Variants in TGFB2 observed in about 807,000 individuals in gnomAD.
TGFB2 encodes the protein transforming growth factor beta 2.
In TGFB2, 13 loss-of-function variants were observed where a neutral mutation model predicts 42.7. The ratio of observed to expected loss-of-function variants is 0.30; its 90% CI spans 0.20 to 0.48. TGFB2 has a LOEUF of 0.48. Ranked by LOEUF, TGFB2 falls within the 20% of genes least tolerant of loss-of-function variation. The probability of loss-of-function intolerance (pLI) is 0.99; values close to 1 mark genes in which losing one functional copy is unlikely to be tolerated. For synonymous variants in TGFB2, 193 were observed against 193.6 expected (o/e 1.00, Z 0.03); for missense variants, 390 against 517.5 (o/e 0.75, Z 2.39).
At chr1:218,429,983 G>A (rs1047084941) in intron 2 of TGFB2, among the ~76,000 whole-genome samples, 2 of 152,154 alleles carry the variant, frequency 1.3e-5, no homozygotes, top group Non-Finnish European at 2.9e-5. Flanking sequence ...ATGATCCCCA[G>A]TGTGCTTTGG....
chr1:218,411,344 G>A (rs1392441610), intron 2 of TGFB2, among the ~76,000 whole-genome samples: 1 of 152,118 alleles, frequency 6.6e-6, no homozygotes, highest in Non-Finnish European at 1.5e-5. Flanking sequence ...GCTTTGGCTG[G>A]GGTCACTTGG....
At chr1:218,360,608 T>A (rs1054542072) in intron 1 of TGFB2, among the ~76,000 whole-genome samples, 2 of 152,148 alleles carry the variant, frequency 1.3e-5, no homozygotes, top group African/African-American at 4.8e-5. Context: ...CAAACCACCA[T>A]GGCACACGTT....
intron 1 of TGFB2, among the ~76,000 whole-genome samples, chr1:218,360,859 T>C (rs901830663): frequency 6.6e-6 from 1 of 152,152 alleles, no homozygotes; most frequent in African/African-American, 2.4e-5. Flanking sequence ...AAACTGATTT[T>C]TTTTCCTTTT....
intron 1 of TGFB2, among the ~76,000 whole-genome samples, chr1:218,371,328 TA>T (rs1241120220): frequency 6.6e-6 from 1 of 152,246 alleles, no homozygotes; most frequent in East Asian, 1.9e-4. Flanking sequence ...AATAAAAATT[TA>T]AAAACAGAAA....
intron 1 of TGFB2, among the ~76,000 whole-genome samples, chr1:218,401,319 T>A (rs915797100): frequency 6.6e-6 from 1 of 152,152 alleles, no homozygotes; most frequent in Non-Finnish European, 1.5e-5. Flanking sequence ...CTAGTTAGAT[T>A]TTCTCAGGTT....
chr1:218,437,294 G>A, intron 5 of TGFB2, 49 bp from the exon 6 acceptor site: 1 of 1,521,556 alleles, frequency 6.6e-7, no homozygotes, highest in South Asian at 1.3e-5. Flanking sequence ...AGTGAGGGTG[G>A]TGAATCAGCT....
At chr1:218,379,853 T>C (rs1657899928) in intron 1 of TGFB2, among the ~76,000 whole-genome samples, 1 of 152,190 alleles carries the variant, frequency 6.6e-6, no homozygotes, top group South Asian at 2.1e-4. Flanking sequence ...TTAACTTCTT[T>C]TACTTACTTA....
chr1:218,391,316 T>G (rs1571862798), intron 1 of TGFB2, among the ~76,000 whole-genome samples: 1 of 152,152 alleles, frequency 6.6e-6, no homozygotes, highest in Non-Finnish European at 1.5e-5. Context: ...GGTGGTAGTG[T>G]GTGCCTGTAC....
chr1:218,384,845 A>C (rs1030445389), intron 1 of TGFB2, among the ~76,000 whole-genome samples: 1 of 152,198 alleles, frequency 6.6e-6, no homozygotes, highest in African/African-American at 2.4e-5. Context: ...TGGCAGGAGG[A>C]GGTTCAGTGA....
chr1:218,405,116 C>G, intron 1 of TGFB2, 53 bp from the exon 2 acceptor site: 2 of 1,527,610 alleles, frequency 1.3e-6, no homozygotes, highest in East Asian at 2.3e-5. Flanking sequence ...ACAGTCTTCT[C>G]TGAAAGCACA....
At chr1:218,362,682 A>G (rs958523603) in intron 1 of TGFB2, among the ~76,000 whole-genome samples, 19 of 152,210 alleles carry the variant, frequency 1.2e-4, no homozygotes, top group Non-Finnish European at 2.6e-4. Context: ...CTTTTCTAAG[A>G]ATATGGTGGG....
chr1:218,437,210 T>A (rs1229261861), intron 5 of TGFB2, 133 bp from the exon 6 acceptor site: 3 of 895,760 alleles, frequency 3.3e-6, no homozygotes, highest in Non-Finnish European at 3.4e-6. Context: ...ACCTGGCCCA[T>A]GATATTTGCT....
At chr1:218,405,804 T>C (rs1658893335) in intron 2 of TGFB2, among the ~76,000 whole-genome samples, 1 of 152,172 alleles carries the variant, frequency 6.6e-6, no homozygotes, top group Admixed American at 6.5e-5. Flanking sequence ...ACTATTACTG[T>C]TCTAGTAATA....
chr1:218,402,771 A>C (rs1007393032), intron 1 of TGFB2, among the ~76,000 whole-genome samples: 4 of 152,196 alleles, frequency 2.6e-5, no homozygotes, highest in African/African-American at 4.8e-5. Flanking sequence ...TAGCTTCTCT[A>C]TTCCAGGATG....
chr1:218,351,012 C>T (rs1202792888), intron 1 of TGFB2, among the ~76,000 whole-genome samples: 1 of 152,184 alleles, frequency 6.6e-6, no homozygotes, highest in South Asian at 2.1e-4. Flanking sequence ...GTAGTTGTTT[C>T]ACATGAGTGT....
At chr1:218,385,317 A>G (rs1658096921) in intron 1 of TGFB2, among the ~76,000 whole-genome samples, 1 of 152,240 alleles carries the variant, frequency 6.6e-6, no homozygotes, top group Non-Finnish European at 1.5e-5. Flanking sequence ...AAGTTGAAGT[A>G]CAGTGATGCC....
In TGFB2 at chr1:218,345,430, AAG is replaced by A. The variant is rs996167129; in HGVS notation, c.-1266_-1265del. The stretch of plus-strand genomic sequence containing the variant: ...AGATTGAGATAGAGATAGAAAGAGA[AAG>A]AGAGAAAGAGACAGCAGAGCGAGAG... On this transcript the variant is annotated 5_prime_UTR_variant, in exon 1 of 7. Transcript: ENST00000366930. The A allele has an allele frequency of 6.6e-6, 1 of 152,622 alleles. No individual in the cohort carries two copies. The highest frequency in any genetic ancestry group is 2.4e-5 in the African/African-American group (1 of 41,474). The allele number at this position is 152,622 out of a possible 1,614,324, so 9.5% of individuals were successfully genotyped here. A position where few individuals can be genotyped will look rare whatever the true frequency, so the allele number is the denominator to read the frequency against.
In TGFB2 at chr1:218,379,380, C is replaced by T. The variant is rs559724481; in HGVS notation, c.347-25789C>T. 7.9e-5 allele frequency among the ~76,000 whole-genome samples: 12 copies of T among 151,964 alleles called. No individual in the cohort carries two copies. In the South Asian group the frequency reaches 1.2e-3, roughly 16 times the overall value. On this transcript the variant is annotated intron_variant, in intron 1 of 6. Transcript: ENST00000366930. ...CGATCTCCTGACCTCATGATCCACC[C>T]GCCTTGGCCTCCCAAAGTGCTGGGA...
At chr1:218,420,638 CGTGTATGT>C (rs1659425495) in intron 2 of TGFB2, among the ~76,000 whole-genome samples, 1 of 151,552 alleles carries the variant, frequency 6.6e-6, no homozygotes, top group Non-Finnish European at 1.5e-5. Flanking sequence ...GTGTTGTGTG[CGTGTATGT>C]GTGTATGTGT....
Sources: gnomAD v4.1 joint callset for allele counts (sites outside exome capture counted in the v4.1 genomes callset) on GRCh38, gnomAD v4.1.1 for gene constraint, MANE v1.5 for transcripts, NCBI Gene and HGNC (gene_info 2026-07-23, HGNC 2026-07-21) for gene names.